Variants in OTOA observed in about 807,000 individuals in gnomAD.
The protein encoded by OTOA is cancer/testis antigen 108.
A neutral mutation model predicts 110.8 loss-of-function variants in OTOA; 70 were observed. That is an observed-to-expected ratio of 0.63 (90% CI 0.52 to 0.77). The LOEUF (loss-of-function observed/expected upper bound fraction) is 0.77. Ranked by LOEUF, OTOA falls within the 30% of genes least tolerant of loss-of-function variation. OTOA has a pLI of 0.00. For synonymous variants in OTOA, 373 were observed against 431.5 expected (o/e 0.86, Z 1.68); for missense variants, 917 against 1,075.8 (o/e 0.85, Z 2.06).
chr16:21,689,707 CAG>C (rs1897789867), intron 8 of OTOA, among the ~76,000 whole-genome samples: 1 of 150,904 alleles, frequency 6.6e-6, no homozygotes, highest in Admixed American at 6.6e-5. Flanking sequence ...TTTTTTGAGA[CAG>C]AGTTTCACTC....
At chr16:21,685,100 C>A (rs1312376510) in intron 6 of OTOA, 130 bp from the exon 7 acceptor site, 6 of 1,335,448 alleles carry the variant, frequency 4.5e-6, no homozygotes, top group Admixed American at 3.5e-5. Context: ...GGTGGCCAAA[C>A]CAGACTGCTG....
chr16:21,710,806 C>A (rs1898331312), intron 13 of OTOA, among the ~76,000 whole-genome samples: 1 of 152,106 alleles, frequency 6.6e-6, no homozygotes, highest in Admixed American at 6.5e-5. Flanking sequence ...AGTTTGGGAC[C>A]AGCCTGATCA....
At chr16:21,732,305 T>G (rs1899142251) in intron 21 of OTOA, among the ~76,000 whole-genome samples, 3 of 152,204 alleles carry the variant, frequency 2.0e-5, no homozygotes, top group Admixed American at 1.3e-4. Flanking sequence ...TTTTTTTCCT[T>G]CCTTGTTTTT....
intron 6 of OTOA, among the ~76,000 whole-genome samples, chr16:21,683,037 C>T (rs187112216): frequency 2.4e-4 from 37 of 152,270 alleles, no homozygotes; most frequent in Admixed American, 1.8e-3. Context: ...TAATCTGATA[C>T]GTTTCTTCCT....
chr16:21,731,007 G>A lies in OTOA; in HGVS notation c.2301+77G>A, dbSNP rs1223528199. 41 of 817,604 alleles carry A rather than the reference G, an allele frequency of 5.0e-5. No individual in the cohort carries two copies. The East Asian group carries it at 1.1e-3, about 22-fold the overall frequency. 50.6% of individuals were successfully genotyped at this position (817,604 alleles called of 1,614,324 possible). A position where few individuals can be genotyped will look rare whatever the true frequency, so the allele number is the denominator to read the frequency against. On this transcript the variant is annotated intron_variant, in intron 21 of 28. Transcript: ENST00000646100. ...AAGTGTGGTCAGTTATACAGCATTG[G>A]GTTTACTGCTGTCTATGGTTCTGGA...
At chr16:21,732,705 T>C (rs1181876893) in intron 21 of OTOA, among the ~76,000 whole-genome samples, 1 of 151,884 alleles carries the variant, frequency 6.6e-6, no homozygotes, top group African/African-American at 2.4e-5. Context: ...AGAATATCTA[T>C]AGTAGGATAC....
At chr16:21,673,924 A>G (rs1966852627) in intron 1 of OTOA, among the ~76,000 whole-genome samples, 2 of 152,046 alleles carry the variant, frequency 1.3e-5, no homozygotes, top group Admixed American at 1.3e-4. Flanking sequence ...CAGCCTCCCA[A>G]GTAGCTGGGA....
At chr16:21,701,205 G>A (rs1337791789) in intron 11 of OTOA, 178 bp downstream of exon 11, 2 of 885,438 alleles carry the variant, frequency 2.3e-6, no homozygotes, top group East Asian at 2.6e-5. Context: ...TTTATGAAGA[G>A]GTTATGAAGC....
At chr16:21,729,293 T>A (rs1332979495) in intron 20 of OTOA, among the ~76,000 whole-genome samples, 1 of 152,176 alleles carries the variant, frequency 6.6e-6, no homozygotes, top group Non-Finnish European at 1.5e-5. Flanking sequence ...CACCTAAGCC[T>A]CCCACAGTGT....
Position 21,728,441 on chromosome 16 carries a change from G to A in OTOA, c.2207+10G>A, listed in dbSNP as rs776282326. 1.4e-5 allele frequency: 22 copies of A among 1,611,924 alleles called. No individual in the cohort carries two copies. Among genetic ancestry groups the A allele is most frequent in the Admixed American group, 8.4e-5 (5 of 59,746 alleles). ...TCCTGGGACAGTATGGGTGAGGAGC[G>A]GCTGGGTTTGGCTTTTGGTGGTGTG... On this transcript the variant is annotated intron_variant, in intron 20 of 28. Transcript: ENST00000646100.
chr16:21,705,267 G>A lies in OTOA; in HGVS notation c.1079G>A (p.Arg360Lys). 2 of 1,614,090 alleles carry A rather than the reference G, an allele frequency of 1.2e-6. No homozygotes were observed. The highest frequency in any genetic ancestry group is 1.7e-6 in the Non-Finnish European group (2 of 1,180,022). Reference protein sequence around the residue: ...LYQMIKCSHLRGFQAGVQKLK... With the variant: ...LYQMIKCSHLKGFQAGVQKLK... ...CAGATGATCAAGTGCAGCCACCTGAGGGGCTTCCAGGCTGGCGTCCAGAAG... is the reference window on the plus strand; with the variant it reads ...CAGATGATCAAGTGCAGCCACCTGAAGGGCTTCCAGGCTGGCGTCCAGAAG... The change falls in exon 12 of 29, where the codon AGG (arginine) becomes AAG (lysine). Residue 360 changes from arginine to lysine, a missense_variant. By Grantham distance (26) the Arg-to-Lys change is conservative. This residue lies in a region of OTOA where 840 missense variants were observed against 910.2 expected (regional missense o/e 0.92). Coordinates refer to ENST00000646100, the MANE Select transcript of OTOA (RefSeq NM_144672.4).
At chr16:21,675,444 C>T (rs1966855990) in intron 1 of OTOA, among the ~76,000 whole-genome samples, 1 of 150,196 alleles carries the variant, frequency 6.7e-6, no homozygotes, top group Non-Finnish European at 1.5e-5. Flanking sequence ...GCGTGAGCCA[C>T]TGTGCCCTGC....
chr16:21,754,081 T>A (rs1278670358), intron 27 of OTOA, among the ~76,000 whole-genome samples: 1 of 138,796 alleles, frequency 7.2e-6, no homozygotes, highest in African/African-American at 2.7e-5. Flanking sequence ...TATATATATT[T>A]TTTTCTATAT....
intron 19 of OTOA, 146 bp from the exon 20 acceptor site, chr16:21,728,095 C>A (rs1898981091): frequency 5.2e-6 from 5 of 967,810 alleles, no homozygotes; most frequent in African/African-American, 1.6e-5. Context: ...GAACTCCTGG[C>A]CTCAAATGAT....
At chr16:21,684,750 ATTATTATTATTATTATTT>A (rs1285944216) in intron 6 of OTOA, among the ~76,000 whole-genome samples, 123 of 81,294 alleles carry the variant, frequency 1.5e-3, no homozygotes, top group East Asian at 5.1e-3. Flanking sequence ...TATTATTATT[ATTATTATTATTATTATTT>A]TTTAGGTGGA....
Position 21,679,177 on chromosome 16 carries a change from A to AT in OTOA, c.152-5dup, listed in dbSNP as rs1966870557. 1 of 1,613,670 alleles carries AT rather than the reference A, an allele frequency of 6.2e-7. No individual in the cohort carries two copies. The highest frequency in any genetic ancestry group is 1.3e-5 in the African/African-American group (1 of 74,916). ...AAAGATGTCTTTTCATTTTACTCCCATTGTAGCACTGCTGGATCTCATACA... is the reference window on the plus strand; with the variant it reads ...AAAGATGTCTTTTCATTTTACTCCCATTTGTAGCACTGCTGGATCTCATACA... On this transcript the variant is annotated splice_polypyrimidine_tract_variant and splice_region_variant and intron_variant, in intron 4 of 28. Coordinates refer to ENST00000646100, the MANE Select transcript of OTOA (RefSeq NM_144672.4).
At chr16:21,667,611 A>C (rs907532594) in intron 1 of OTOA, among the ~76,000 whole-genome samples, 26 of 152,044 alleles carry the variant, frequency 1.7e-4, no homozygotes, top group African/African-American at 5.8e-4. Flanking sequence ...AAAAAAAAAA[A>C]AACAATTAAA....
Position 21,690,885 on chromosome 16 carries a change from A to G in OTOA, c.636-699A>G, listed in dbSNP as rs563142403. Among the ~76,000 whole-genome samples the G allele has an allele frequency of 2.6e-4, 40 of 152,050 alleles. 1 individual carries two copies. The highest frequency in any genetic ancestry group is 9.7e-4 in the African/African-American group (40 of 41,442). Reference sequence around the variant, plus strand: ...CAACGTGCAGGTTTGATACATAGGTATACATGTGCCATGTTGGTTTGCTGC... The same window carrying G: ...CAACGTGCAGGTTTGATACATAGGTGTACATGTGCCATGTTGGTTTGCTGC... On this transcript the variant is annotated intron_variant, in intron 8 of 28. Coordinates refer to ENST00000646100, the MANE Select transcript of OTOA (RefSeq NM_144672.4).
At chr16:21,731,530 T>C (rs1329683053) in intron 21 of OTOA, among the ~76,000 whole-genome samples, 1 of 152,202 alleles carries the variant, frequency 6.6e-6, no homozygotes, top group African/African-American at 2.4e-5. Context: ...GCTCTAGAAC[T>C]TGTTTTTCTT....
Sources: gnomAD v4.1 joint callset for allele counts (sites outside exome capture counted in the v4.1 genomes callset) on GRCh38, gnomAD v4.1.1 for gene constraint, gnomAD v4.1.1 regional missense constraint, MANE v1.5 for transcripts, NCBI Gene and HGNC (gene_info 2026-07-23, HGNC 2026-07-21) for gene names.